IMPG1: variants seen among roughly 807,000 people sequenced by gnomAD.
IMPG1 encodes the protein interphotoreceptor matrix proteoglycan of 150 kDa.
Under a neutral mutation model 92.0 loss-of-function variants are expected in IMPG1, and 85 were observed. That is an observed-to-expected ratio of 0.92 (90% CI 0.78 to 1.11). The LOEUF (loss-of-function observed/expected upper bound fraction) is 1.11, where lower values mean the gene tolerates loss of function less well. Among genes scored for constraint, IMPG1 ranks in the 50% least tolerant of loss-of-function variants. The probability of loss-of-function intolerance (pLI) is 0.00; values close to 1 mark genes in which losing one functional copy is unlikely to be tolerated. For missense variants in IMPG1, 1,022 were observed against 956.0 expected (o/e 1.07, Z -0.91); for synonymous variants, 367 against 334.1 (o/e 1.10, Z -1.08).
At chr6:75,976,909 TAAAA>T (rs35200516) in intron 12 of IMPG1, among the ~76,000 whole-genome samples, 2 of 138,598 alleles carry the variant, frequency 1.4e-5, no homozygotes, top group African/African-American at 2.7e-5. Flanking sequence ...GATTCCGTCT[TAAAA>T]AAAAAAAAAA....
chr6:75,976,229 G>A (rs1488484230), intron 12 of IMPG1, among the ~76,000 whole-genome samples: 2 of 152,192 alleles, frequency 1.3e-5, no homozygotes, highest in Non-Finnish European at 2.9e-5. Context: ...GCCAAAGGTA[G>A]TTAATGGAAT....
chr6:75,933,452 A>C (rs1458304972), intron 14 of IMPG1, among the ~76,000 whole-genome samples: 1 of 152,184 alleles, frequency 6.6e-6, no homozygotes, highest in Non-Finnish European at 1.5e-5. Flanking sequence ...GGCTTACTAT[A>C]ATTGCTTGCT....
intron 14 of IMPG1, among the ~76,000 whole-genome samples, chr6:75,933,295 C>G (rs1781692724): frequency 6.6e-6 from 1 of 152,062 alleles, no homozygotes; most frequent in Non-Finnish European, 1.5e-5. Flanking sequence ...GGTGTGTAGA[C>G]AAATTGGTCT....
In IMPG1 at chr6:76,022,174, TC is replaced by T. The variant is rs1783443333; in HGVS notation, c.607del (p.Asp203ThrfsTer41). On this transcript the variant is annotated frameshift_variant, in exon 6 of 17. Coordinates refer to ENST00000369950, the MANE Select transcript of IMPG1 (RefSeq NM_001563.4). LOFTEE classifies it high-confidence loss of function. Reference sequence around the variant, plus strand: ...ATCGAGAATTTCATTGAGGAGGGTGTCATCAGGAGTGAGAGGGAAAGGCCCA... The same window carrying T: ...ATCGAGAATTTCATTGAGGAGGGTGTATCAGGAGTGAGAGGGAAAGGCCCA... ...SLGPFPLTPD[D>X]TLLNEILDNT... 6.3e-7 allele frequency: 1 copy of T among 1,598,032 alleles called. No individual in the cohort carries two copies. Among genetic ancestry groups the T allele is most frequent in the African/African-American group, 1.3e-5 (1 of 74,366 alleles).
At chr6:75,953,591 C>A (rs1046653056) in intron 12 of IMPG1, among the ~76,000 whole-genome samples, 2 of 151,250 alleles carry the variant, frequency 1.3e-5, no homozygotes, top group Non-Finnish European at 2.9e-5. Context: ...TGAACTCATC[C>A]TTTTTTTCCC....
chr6:75,976,293 G>A (rs190256983), intron 12 of IMPG1, among the ~76,000 whole-genome samples: 366 of 152,244 alleles, frequency 2.4e-3, no homozygotes, highest in African/African-American at 8.6e-3. Flanking sequence ...GGCTGGGCAC[G>A]GTGGCTCACA....
rs5877465 is a variant in IMPG1, at chr6:75,947,857, T to TA, written c.1825-325dup. Among the ~76,000 whole-genome samples the TA allele has an allele frequency of 1.2e-3, 180 of 147,148 alleles. 1 individual carries two copies. The highest frequency in any genetic ancestry group is 3.5e-3 in the Middle Eastern group (1 of 282). ...AAGCAGGAATGCCAAGTTCAGTTATTAAAAAAAAAAAAACCCAAGTAAATA... is the reference window on the plus strand; with the variant it reads ...AAGCAGGAATGCCAAGTTCAGTTATTAAAAAAAAAAAAAACCCAAGTAAATA... On this transcript the variant is annotated intron_variant, in intron 13 of 16. Transcript: ENST00000369950.
chr6:76,001,655 G>A (rs1782991814), intron 12 of IMPG1, among the ~76,000 whole-genome samples: 2 of 152,176 alleles, frequency 1.3e-5, no homozygotes, highest in South Asian at 2.1e-4. Flanking sequence ...TGATTTGCCA[G>A]CCAGTGAGTG....
At chr6:75,966,610 C>G (rs947660939) in intron 12 of IMPG1, among the ~76,000 whole-genome samples, 3 of 152,060 alleles carry the variant, frequency 2.0e-5, no homozygotes, top group Admixed American at 6.6e-5. Flanking sequence ...ATTACCCAGT[C>G]TGTGGTATTT....
chr6:76,025,914 C>G (rs533867094), intron 4 of IMPG1, among the ~76,000 whole-genome samples: 1 of 152,244 alleles, frequency 6.6e-6, no homozygotes, highest in East Asian at 1.9e-4. Flanking sequence ...CCCATTCTAA[C>G]AAGCTTTACT....
At chr6:75,935,452 C>A (rs1377593284) in intron 14 of IMPG1, among the ~76,000 whole-genome samples, 1 of 152,240 alleles carries the variant, frequency 6.6e-6, no homozygotes, top group Non-Finnish European at 1.5e-5. Flanking sequence ...AACAAAGTGA[C>A]AGATTTTTGG....
Position 76,003,854 on chromosome 6 carries a change from C to T in IMPG1, c.1212+20G>A. ...TGAGACTTTGTTCCTAGTTAAAGAA[C>T]AAAAGGACAACAAACTTACCTCTGT... On this transcript the variant is annotated intron_variant, in intron 11 of 16. Transcript: ENST00000369950. 5 of 1,591,450 alleles carry T rather than the reference C, an allele frequency of 3.1e-6. No homozygotes were observed. The highest frequency in any genetic ancestry group is 4.3e-6 in the Non-Finnish European group (5 of 1,163,404).
intron 12 of IMPG1, among the ~76,000 whole-genome samples, chr6:75,968,298 G>T (rs770843884): frequency 2.6e-5 from 4 of 152,120 alleles, no homozygotes; most frequent in African/African-American, 4.8e-5. Context: ...AATTGCTAGA[G>T]ATCTTTTAAC....
At chr6:75,998,920 G>C (rs1042272455) in intron 12 of IMPG1, among the ~76,000 whole-genome samples, 4 of 152,178 alleles carry the variant, frequency 2.6e-5, no homozygotes, top group Admixed American at 2.6e-4. Flanking sequence ...GTAGTGGAGC[G>C]ATCTTGGCTC....
chr6:76,014,280 G>A (rs1315890664), intron 7 of IMPG1, among the ~76,000 whole-genome samples: 1 of 152,208 alleles, frequency 6.6e-6, no homozygotes, highest in Non-Finnish European at 1.5e-5. Context: ...CCCCAAGTGA[G>A]CACACGGCAT....
intron 12 of IMPG1, among the ~76,000 whole-genome samples, chr6:75,953,333 A>G (rs1392908773): frequency 6.6e-6 from 1 of 152,214 alleles, no homozygotes; most frequent in East Asian, 1.9e-4. Flanking sequence ...TGTGTTACAC[A>G]GGTATACATG....
intron 2 of IMPG1, among the ~76,000 whole-genome samples, chr6:76,038,849 C>T (rs556316496): frequency 6.6e-6 from 1 of 152,366 alleles, no homozygotes; most frequent in African/African-American, 2.4e-5. Flanking sequence ...CCAGGGAGCA[C>T]ATACCCTGGA....
At chr6:75,989,829 C>T (rs557304032) in intron 12 of IMPG1, among the ~76,000 whole-genome samples, 20 of 152,212 alleles carry the variant, frequency 1.3e-4, no homozygotes, top group African/African-American at 3.1e-4. Flanking sequence ...GGTGCCATAG[C>T]GAGACTTGGT....
chr6:75,963,487 C>T (rs778410303), intron 12 of IMPG1, among the ~76,000 whole-genome samples: 80 of 152,188 alleles, frequency 5.3e-4, no homozygotes, highest in Non-Finnish European at 1.0e-3. Flanking sequence ...TAGATTCAAA[C>T]GCAGTTATAA....
Sources: allele counts gnomAD v4.1 joint callset (sites outside exome capture counted in the v4.1 genomes callset), GRCh38; gene constraint gnomAD v4.1.1; transcripts MANE v1.5; gene names NCBI Gene and HGNC (gene_info 2026-07-23, HGNC 2026-07-21).